RNF150: variants seen among roughly 807,000 people sequenced by gnomAD.
RNF150 encodes ring finger protein 150.
In RNF150, 24 loss-of-function variants were observed where a neutral mutation model predicts 39.3. The observed-to-expected ratio is 0.61, with a 90% CI of 0.44 to 0.86. The LOEUF (loss-of-function observed/expected upper bound fraction) is 0.86, where lower values mean the gene tolerates loss of function less well. Ranked by LOEUF, RNF150 falls within the 40% of genes least tolerant of loss-of-function variation. The pLI, the probability that RNF150 is intolerant of heterozygous loss-of-function variation, is 0.00. For synonymous variants in RNF150, 255 were observed against 227.3 expected (o/e 1.12, Z -1.10); for missense variants, 502 against 587.8 (o/e 0.85, Z 1.51).
chr4:140,894,077 T>A (rs974258610), intron 6 of RNF150, among the ~76,000 whole-genome samples: 2 of 152,206 alleles, frequency 1.3e-5, no homozygotes, highest in African/African-American at 4.8e-5. Context: ...TGCAAATCCC[T>A]TATGTAGACA....
intron 6 of RNF150, among the ~76,000 whole-genome samples, chr4:140,886,375 TA>T (rs751482681): frequency 4.0e-5 from 6 of 151,842 alleles, no homozygotes; most frequent in Non-Finnish European, 7.4e-5. Flanking sequence ...AAACAGGAAA[TA>T]AATAAGAAAA....
At chr4:141,054,911 A>G (rs962088772) in intron 1 of RNF150, among the ~76,000 whole-genome samples, 15 of 152,214 alleles carry the variant, frequency 9.9e-5, no homozygotes, top group African/African-American at 3.1e-4. Flanking sequence ...AGCAAATGTG[A>G]TAACAAACAA....
intron 4 of RNF150, among the ~76,000 whole-genome samples, chr4:140,943,437 T>C (rs558855604): frequency 3.3e-5 from 5 of 152,360 alleles, no homozygotes; most frequent in African/African-American, 7.2e-5. Flanking sequence ...TTTAAATATT[T>C]ACCCATTTTA....
rs750145316 is a variant in RNF150 at position 141,039,925 on chromosome 4, C to T, written c.485-72052G>A. Among the ~76,000 whole-genome samples, 13 of 152,094 alleles carry T rather than the reference C, an allele frequency of 8.5e-5. 1 individual carries two copies. Among genetic ancestry groups the T allele is most frequent in the Non-Finnish European group, 1.9e-4 (13 of 68,026 alleles). The stretch of plus-strand genomic sequence containing the variant: ...GGAAGAAGCACGTTGAGCCAATGTG[C>T]AAGTGCTAGAAAAACTCCTCCCCTG... On this transcript the variant is annotated intron_variant, in intron 1 of 6. Coordinates refer to ENST00000515673, the MANE Select transcript of RNF150 (RefSeq NM_020724.2).
chr4:141,107,569 T>G (rs527787682), intron 1 of RNF150, among the ~76,000 whole-genome samples: 1 of 152,180 alleles, frequency 6.6e-6, no homozygotes, highest in Admixed American at 6.5e-5. Context: ...CAAAATGAAT[T>G]ACTGATAGAT....
rs142849275 is a variant in RNF150, at chr4:140,924,487, A to G, written c.987+1490T>C. ...ATTGGCACTTAATATCTCTAAAAAT[A>G]CCCTGAACAATAGGAACACATCAAA... On this transcript the variant is annotated intron_variant, in intron 5 of 6. Coordinates refer to ENST00000515673, the MANE Select transcript of RNF150 (RefSeq NM_020724.2). 3.9e-3 allele frequency among the ~76,000 whole-genome samples: 592 copies of G among 152,336 alleles called. 3 individuals are homozygous for G. The highest frequency in any genetic ancestry group is 0.013 in the African/African-American group (558 of 41,574).
intron 1 of RNF150, among the ~76,000 whole-genome samples, chr4:141,075,802 A>C (rs989960958): frequency 1.3e-5 from 2 of 152,134 alleles, no homozygotes; most frequent in African/African-American, 4.8e-5. Flanking sequence ...AGCAGAAGAT[A>C]ATTTTCTCAG....
chr4:141,001,615 G>A lies in RNF150; in HGVS notation c.485-33742C>T, dbSNP rs566545480. Among the ~76,000 whole-genome samples, 11 of 152,092 alleles carry A rather than the reference G, an allele frequency of 7.2e-5. No individual in the cohort carries two copies. The East Asian group carries it at 2.1e-3, about 29-fold the overall frequency. ...GGTTTAAAACCATATCCAAAACCATGTGCTTACATCTAATACAAATAGCAT... is the reference window on the plus strand; with the variant it reads ...GGTTTAAAACCATATCCAAAACCATATGCTTACATCTAATACAAATAGCAT... On this transcript the variant is annotated intron_variant, in intron 1 of 6. Coordinates refer to ENST00000515673, the MANE Select transcript of RNF150 (RefSeq NM_020724.2).
At chr4:141,081,590 T>C (rs1174403420) in intron 1 of RNF150, among the ~76,000 whole-genome samples, 1 of 152,202 alleles carries the variant, frequency 6.6e-6, no homozygotes, top group Non-Finnish European at 1.5e-5. Flanking sequence ...AAACCCTGAA[T>C]ACTGGTTAAA....
intron 1 of RNF150, among the ~76,000 whole-genome samples, chr4:141,065,774 C>G (rs900281639): frequency 2.0e-5 from 3 of 151,850 alleles, no homozygotes; most frequent in Non-Finnish European, 4.4e-5. Context: ...TAACATTCAC[C>G]TTTCTCGGTC....
At chr4:140,918,892 A>T (rs1730974478) in intron 5 of RNF150, among the ~76,000 whole-genome samples, 1 of 152,232 alleles carries the variant, frequency 6.6e-6, no homozygotes, top group Non-Finnish European at 1.5e-5. Flanking sequence ...TATGCAAATC[A>T]ATAATTCTAA....
At chr4:140,999,969 G>GAAGAAGAAGAAGAAGAA (rs1560678529) in intron 1 of RNF150, among the ~76,000 whole-genome samples, 361 of 31,040 alleles carry the variant, frequency 0.012, 95 homozygotes, top group South Asian at 0.087. Flanking sequence ...AGAAGAAGAA[G>GAAGAAGAAGAAGAAGAA]AAGAAGAAAA....
At chr4:141,135,108 G>A (rs754055910), upstream of RNF150, among the ~76,000 whole-genome samples, 48 of 152,232 alleles carry the variant, frequency 3.2e-4, 1 homozygote, top group Non-Finnish European at 4.4e-5. Flanking sequence ...AAATAGGAGC[G>A]AGGTTTCTTA....
chr4:140,969,756 C>CTTTTTT (rs70946718), intron 1 of RNF150, among the ~76,000 whole-genome samples: 11 of 75,986 alleles, frequency 1.4e-4, no homozygotes, highest in East Asian at 4.5e-4. Context: ...ACAAGTTTTA[C>CTTTTTT]TTTTTTTTTT....
intron 6 of RNF150, among the ~76,000 whole-genome samples, chr4:140,878,601 G>T (rs865861835): frequency 1.4e-4 from 22 of 151,964 alleles, no homozygotes; most frequent in African/African-American, 5.3e-4. Context: ...TTTTCAATAG[G>T]GTTATTTATT....
intron 1 of RNF150, among the ~76,000 whole-genome samples, chr4:141,086,700 C>T (rs1738379138): frequency 1.3e-5 from 2 of 151,298 alleles, no homozygotes; most frequent in Non-Finnish European, 2.9e-5. Flanking sequence ...CAGAATTCTT[C>T]AGGTATTGAA....
intron 6 of RNF150, among the ~76,000 whole-genome samples, chr4:140,884,919 T>G (rs771163550): frequency 6.6e-6 from 1 of 152,310 alleles, no homozygotes; most frequent in Non-Finnish European, 1.5e-5. Context: ...GTGGGTTCCA[T>G]GAATTTTCCT....
At chr4:140,900,421 A>G (rs1730148360) in intron 6 of RNF150, among the ~76,000 whole-genome samples, 1 of 151,388 alleles carries the variant, frequency 6.6e-6, no homozygotes, top group South Asian at 2.1e-4. Context: ...AAGGACATTC[A>G]TAATTTTATA....
chr4:141,184,190 G>A (rs966506353), intron 1 of RNF150, among the ~76,000 whole-genome samples: 1 of 152,094 alleles, frequency 6.6e-6, no homozygotes, highest in African/African-American at 2.4e-5. Context: ...AATTTTTAAT[G>A]ATCACCATTC....
Sources: gnomAD v4.1 joint callset for allele counts (sites outside exome capture counted in the v4.1 genomes callset) on GRCh38, gnomAD v4.1.1 for gene constraint, MANE v1.5 for transcripts, NCBI Gene and HGNC (gene_info 2026-07-23, HGNC 2026-07-21) for gene names.